The following TBC1D10B variants were observed in gnomAD, a reference collection of about 807,000 sequenced individuals.
The protein encoded by TBC1D10B is Rab27A-GAPbeta.
TBC1D10B carries 25 observed loss-of-function variants against 78.4 expected under a neutral mutation model. The observed-to-expected ratio is 0.32, with a 90% CI of 0.23 to 0.45. TBC1D10B has a LOEUF of 0.45. Among genes scored for constraint, TBC1D10B ranks in the 20% least tolerant of loss-of-function variants. The pLI is 1.00. For synonymous variants in TBC1D10B, 517 were observed against 478.0 expected, an observed-to-expected ratio of 1.08 and a Z score of -1.06; for missense variants, 996 against 1,104.8, an observed-to-expected ratio of 0.90 and a Z score of 1.40.
rs140567881 is a variant in TBC1D10B at position 30,362,174 on chromosome 16, G to A, written c.1272-2333C>T. On this transcript the variant is annotated intron_variant, in intron 4 of 8. Transcript: ENST00000409939. The stretch of plus-strand genomic sequence containing the variant: ...TTTTAAAAATATTTTTAGTAGAGAC[G>A]GGGTTTCACCATGTTGGCCAGGCTG... Among the ~76,000 whole-genome samples the A allele has an allele frequency of 4.4e-3, 670 of 151,644 alleles. 7 individuals are homozygous for A. Among genetic ancestry groups the A allele is most frequent in the South Asian group, 0.025 (119 of 4,802 alleles).
chr16:30,360,022 G>A (rs375832724), intron 4 of TBC1D10B, 181 bp from the exon 5 acceptor site: 12 of 603,844 alleles, frequency 2.0e-5, no homozygotes, highest in East Asian at 5.6e-5. Context: ...CCGGGGCTCC[G>A]CCTTTGGCTA....
In TBC1D10B at chr16:30,359,266, A is replaced by C; in HGVS notation, c.1548T>G (p.Pro516=). Residue 516 remains proline (P), a synonymous_variant, in exon 7 of 9, where the codon CCT becomes CCG. Transcript: ENST00000409939. ...HRHLRRQRID[P]VLYMTEWFMC... ...TGAACCACTCCGTCATGTAGAGCACAGGGTCAATGCGCTGCCGCCGCAGGT... is the reference window on the plus strand; with the variant it reads ...TGAACCACTCCGTCATGTAGAGCACCGGGTCAATGCGCTGCCGCCGCAGGT... 6.2e-7 allele frequency: 1 copy of C among 1,611,430 alleles called. No individual in the cohort carries two copies. The highest frequency in any genetic ancestry group is 8.5e-7 in the Non-Finnish European group (1 of 1,178,828).
chr16:30,369,140 GT>G lies in TBC1D10B; in HGVS notation c.956+87del. On this transcript the variant is annotated intron_variant, in intron 1 of 8. Transcript: ENST00000409939. This position sits in a 1 kb window ranked among gnomAD's most constrained non-coding sequence, Gnocchi z 4.3. ...CCTCAGAGGAGGCTGGGCTGCCAGA[GT>G]CTGGGCAAAGTGTATCGTTTTCGTT... 2 of 1,364,114 alleles carry G rather than the reference GT, an allele frequency of 1.5e-6. No individual in the cohort carries two copies. The highest frequency in any genetic ancestry group is 2.0e-6 in the Non-Finnish European group (2 of 1,019,308). 84.5% of individuals were successfully genotyped at this position (1,364,114 alleles called of 1,614,324 possible). A position where few individuals can be genotyped will look rare whatever the true frequency, so the allele number is the denominator to read the frequency against.
intron 1 of TBC1D10B, chr16:30,367,921 G>C (rs1356236661): frequency 2.6e-5 from 4 of 152,214 alleles, no homozygotes; most frequent in African/African-American, 9.7e-5. Flanking sequence ...ATAGTGCCTG[G>C]CACACAAGAG....
intron 4 of TBC1D10B, among the ~76,000 whole-genome samples, chr16:30,362,234 C>T (rs953714792): frequency 2.0e-5 from 3 of 152,182 alleles, no homozygotes; most frequent in African/African-American, 7.2e-5. Context: ...ATCTGCCCGC[C>T]TTGGCCTCCC....
rs1451622302 is a variant in TBC1D10B at position 30,359,745 on chromosome 16, G to T, written c.1368C>A (p.Leu456=). 3 of 1,586,524 alleles carry T rather than the reference G, an allele frequency of 1.9e-6. No homozygotes were observed. The highest frequency in any genetic ancestry group is 2.6e-6 in the Non-Finnish European group (3 of 1,166,522). Residue 456 remains leucine (L), a synonymous_variant, in exon 5 of 9, where the codon CTC becomes CTA. Coordinates refer to ENST00000409939, the MANE Select transcript of TBC1D10B (RefSeq NM_015527.4). Reference sequence around the variant, plus strand: ...CGCTGACCTCCGCAGGCATGTGCATGAGCAGGACCGCAGCCACGGGGGCCT... The same window carrying T: ...CGCTGACCTCCGCAGGCATGTGCATTAGCAGGACCGCAGCCACGGGGGCCT... ...QAQAPVAAVL[L]MHMPAEQAFW... is the part of the protein sequence containing the mutation.
At position 30,358,453 on chromosome 16, in the gene TBC1D10B, G is replaced by T. The variant is rs755018271; in HGVS notation, c.1918C>A (p.Arg640=). Residue 640 remains arginine (R), a synonymous_variant, in exon 9 of 9, where the codon CGG becomes AGG. Transcript: ENST00000409939. ...CGCCGGCGCTCCTCGTGGATGGCCCGGGACCCATGCAGTCGCCGTGAGGGC... is the reference window on the plus strand; with the variant it reads ...CGCCGGCGCTCCTCGTGGATGGCCCTGGACCCATGCAGTCGCCGTGAGGGC... The part of the protein sequence containing the change: ...YRPSRRLHGS[R]AIHEERRRQQ... 32 of 1,591,366 alleles carry T rather than the reference G, an allele frequency of 2.0e-5. No individual in the cohort carries two copies. Among genetic ancestry groups the T allele is most frequent in the Non-Finnish European group, 2.7e-5 (31 of 1,169,606 alleles).
At position 30,357,866 on chromosome 16, in the gene TBC1D10B, G is replaced by T; in HGVS notation, c.*78C>A. 1 of 1,470,602 alleles carries T rather than the reference G, an allele frequency of 6.8e-7. No homozygotes were observed. The highest frequency in any genetic ancestry group is 1.4e-5 in the South Asian group (1 of 73,160). 91.1% of individuals were successfully genotyped at this position (1,470,602 alleles called of 1,614,324 possible). A position where few individuals can be genotyped will look rare whatever the true frequency, so the allele number is the denominator to read the frequency against. The stretch of plus-strand genomic sequence containing the variant: ...CAAGGGACAGCCTGACAAGGTGCTA[G>T]GGGGTGGCACCTTGGGCCAGGCCTG... On this transcript the variant is annotated 3_prime_UTR_variant, in exon 9 of 9. Coordinates refer to ENST00000409939, the MANE Select transcript of TBC1D10B (RefSeq NM_015527.4).
chr16:30,363,172 C>A (rs904844271), intron 4 of TBC1D10B, among the ~76,000 whole-genome samples: 1 of 152,218 alleles, frequency 6.6e-6, no homozygotes, highest in Non-Finnish European at 1.5e-5. Context: ...CTACTCCCCT[C>A]TCTCCTCTCA....
rs1018633891 is a variant in TBC1D10B, at chr16:30,365,075, C to T, written c.1164+30G>A. The T allele has an allele frequency of 3.1e-6, 5 of 1,612,344 alleles. No individual in the cohort carries two copies. Among genetic ancestry groups the T allele is most frequent in the Admixed American group, 1.7e-5 (1 of 59,994 alleles). ...GATACCCCTTGCACAGACAGGGCCA[C>T]ATGTCCCCACACCTTGGAGCTGCAC... On this transcript the variant is annotated intron_variant, in intron 3 of 8. Coordinates refer to ENST00000409939, the MANE Select transcript of TBC1D10B (RefSeq NM_015527.4). This position sits in a 1 kb window ranked among gnomAD's most constrained non-coding sequence, Gnocchi z 5.0.
intron 6 of TBC1D10B, 38 bp from the exon 7 acceptor site, chr16:30,359,399 A>G (rs1199408121): frequency 6.4e-7 from 1 of 1,550,610 alleles, no homozygotes; most frequent in Non-Finnish European, 8.7e-7. Flanking sequence ...GGGCCAAGTC[A>G]GCTGTGCCCC....
At position 30,358,037 on chromosome 16, in the gene TBC1D10B, C is replaced by G; in HGVS notation, c.2334G>C (p.Lys778Asn). ...CATCTGCCTTTCGACGCAGCGAAAG[C>G]TTCCGGCCTTGAGCCTTCTTCTCCT... ...QKQEKKAQGRKLSLRRKADGP... is the reference protein window; with the variant it reads ...QKQEKKAQGRNLSLRRKADGP... The change falls in exon 9 of 9, where the codon AAG becomes AAC. Residue 778 changes from lysine (K) to asparagine (N), a missense_variant. Physicochemically the swap from Lys to Asn is moderately conservative, Grantham distance 94. Around this residue, in one of 5 missense-constraint regions of TBC1D10B, gnomAD observed 285 missense variants for 252.5 expected, o/e 1.13. Coordinates refer to ENST00000409939, the MANE Select transcript of TBC1D10B (RefSeq NM_015527.4). 1 of 1,551,870 alleles carries G rather than the reference C, an allele frequency of 6.4e-7. No individual in the cohort carries two copies. The highest frequency in any genetic ancestry group is 1.4e-5 in the African/African-American group (1 of 73,180).
At position 30,369,703 on chromosome 16, in the gene TBC1D10B, C is replaced by T. The variant is rs1243866574; in HGVS notation, c.481G>A (p.Ala161Thr). The T allele has an allele frequency of 2.6e-6, 4 of 1,512,180 alleles. No individual in the cohort carries two copies. In the Admixed American group the frequency reaches 6.7e-5, roughly 25 times the overall value. The allele number at this position is 1,512,180 out of a possible 1,614,324, so 93.7% of individuals were successfully genotyped here. The change falls in exon 1 of 9, where the codon GCT (alanine) becomes ACT (threonine). Residue 161 changes from alanine to threonine, a missense_variant. This residue lies in a region of TBC1D10B where 448 missense variants were observed against 442.1 expected (regional missense o/e 1.01). Coordinates refer to ENST00000409939, the MANE Select transcript of TBC1D10B (RefSeq NM_015527.4). This position sits in a 1 kb window ranked among gnomAD's most constrained non-coding sequence, Gnocchi z 4.3. ...GTPTRTPSRT[A>T]PGALTAKPPL... ...GGTTTGGCGGTCAGGGCACCAGGAG[C>T]CGTTCTGGAAGGGGTCCTGGTAGGG... is the stretch of plus-strand genomic sequence containing the variant.
At chr16:30,359,015 C>T in intron 7 of TBC1D10B, 157 bp downstream of exon 7, 4 of 1,234,840 alleles carry the variant, frequency 3.2e-6, no homozygotes. Flanking sequence ...GGTGGCAGAA[C>T]TAAAATCAGG....
chr16:30,366,323 G>A (rs1170280614), intron 1 of TBC1D10B: 1 of 152,138 alleles, frequency 6.6e-6, no homozygotes, highest in Non-Finnish European at 1.5e-5. Flanking sequence ...TGGACAACAT[G>A]GTAAAACCCT....
Position 30,370,171 on chromosome 16 carries a change from T to C in TBC1D10B, c.13A>G (p.Thr5Ala), listed in dbSNP as rs1006028139. Residue 5 changes from threonine to alanine, a missense_variant, in exon 1 of 9, where the codon ACG (threonine) becomes GCG (alanine). Around this residue, in one of 5 missense-constraint regions of TBC1D10B, gnomAD observed 448 missense variants for 442.1 expected, o/e 1.01. Transcript: ENST00000409939. ...CGCGGCGGGGCCACCAGGGGCGCCG[T>C]GCCCGTCTCCATGGCCGCGGGCCGC... METG[T>A]APLVAPPRRH... 8.5e-7 allele frequency: 1 copy of C among 1,176,414 alleles called. No individual in the cohort carries two copies. Among genetic ancestry groups the C allele is most frequent in the African/African-American group, 1.6e-5 (1 of 61,984 alleles). 72.9% of individuals were successfully genotyped at this position (1,176,414 alleles called of 1,614,324 possible). A position where few individuals can be genotyped will look rare whatever the true frequency, so the allele number is the denominator to read the frequency against.
chr16:30,360,745 T>C (rs2049593359), intron 4 of TBC1D10B, among the ~76,000 whole-genome samples: 1 of 152,100 alleles, frequency 6.6e-6, no homozygotes, highest in Non-Finnish European at 1.5e-5. Context: ...ATATGTAACT[T>C]CCACAAGCAC....
Position 30,357,951 on chromosome 16 carries a change from T to C in TBC1D10B, c.2420A>G (p.Tyr807Cys), listed in dbSNP as rs2151099897. ...CCAGCCCCAGGGCAGAGGTCAGAAG[T>C]AAGCGTCCTGCCGGGCCTCGGCTGA... ...RPSAEARQDAYF is the reference protein window; with the variant it reads ...RPSAEARQDACF The change falls in exon 9 of 9, where the codon TAC becomes TGC. Residue 807 changes from tyrosine to cysteine, a missense_variant. This residue lies in a region of TBC1D10B where 285 missense variants were observed against 252.5 expected (regional missense o/e 1.13). Transcript: ENST00000409939. 2.6e-6 allele frequency: 4 copies of C among 1,550,580 alleles called. No individual in the cohort carries two copies. The highest frequency in any genetic ancestry group is 1.4e-5 in the African/African-American group (1 of 73,076).
Position 30,365,697 on chromosome 16 carries a change from C to A in TBC1D10B, c.957-103G>T. 1.8e-6 allele frequency: 2 copies of A among 1,087,758 alleles called. No individual in the cohort carries two copies. The highest frequency in any genetic ancestry group is 2.6e-5 in the South Asian group (2 of 77,464). 67.4% of individuals were successfully genotyped at this position (1,087,758 alleles called of 1,614,324 possible). A position where few individuals can be genotyped will look rare whatever the true frequency, so the allele number is the denominator to read the frequency against. ...CACCTCCCCAAGCTCAAACGAGAAA[C>A]TGGATAGTCTGTGAGCTGCCAAACA... On this transcript the variant is annotated intron_variant, in intron 1 of 8. Coordinates refer to ENST00000409939, the MANE Select transcript of TBC1D10B (RefSeq NM_015527.4). The surrounding 1 kb of genome is among the most constrained non-coding windows in gnomAD (Gnocchi z 5.0).
Sources: allele counts gnomAD v4.1 joint callset (sites outside exome capture counted in the v4.1 genomes callset), GRCh38; gene constraint gnomAD v4.1.1; regional missense constraint gnomAD v4.1.1; non-coding constraint Gnocchi (gnomAD v3.1); transcripts MANE v1.5; gene names NCBI Gene and HGNC (gene_info 2026-07-23, HGNC 2026-07-21).